SIRPG: variants seen among roughly 807,000 people sequenced by gnomAD.
SIRPG encodes the protein signal-regulatory protein gamma.
A neutral mutation model predicts 35.7 loss-of-function variants in SIRPG; 38 were observed. The observed-to-expected ratio is 1.06, with a 90% CI of 0.82 to 1.40. The LOEUF is 1.40. Ranked by LOEUF, SIRPG falls within the 40% of genes most tolerant of loss-of-function variation. SIRPG has a pLI of 0.00. For missense variants in SIRPG, 519 were observed against 483.0 expected, an observed-to-expected ratio of 1.07 and a Z score of -0.70; for synonymous variants, 215 against 190.4, an observed-to-expected ratio of 1.13 and a Z score of -1.06.
chr20:1,649,235 C>T lies in SIRPG; in HGVS notation c.247G>A (p.Gly83Ser). 6.2e-7 allele frequency: 1 copy of T among 1,614,086 alleles called. No homozygotes were observed. Among genetic ancestry groups the T allele is most frequent in the Non-Finnish European group, 8.5e-7 (1 of 1,180,030 alleles). Residue 83 changes from glycine to serine, a missense_variant, in exon 2 of 6, where the codon GGC becomes AGC. Transcript: ENST00000303415. Reference sequence around the variant, plus strand: ...ACTGTTGTTACCCTGGGGAAGTGGCCTTCTTTTTGATTGTAGATTAATTCC... The same window carrying T: ...ACTGTTGTTACCCTGGGGAAGTGGCTTTCTTTTTGATTGTAGATTAATTCC... ...GRELIYNQKE[G>S]HFPRVTTVSD...
the SIRPG span, among the ~76,000 whole-genome samples, chr20:1,685,373 A>G: frequency 1.3e-5 from 2 of 152,078 alleles, no homozygotes; most frequent in Non-Finnish European, 2.9e-5. Flanking sequence ...ACATGAGGTC[A>G]TTGGGGGGGT....
In SIRPG at chr20:1,649,125, A is replaced by G; in HGVS notation, c.357T>C (p.Cys119=). The change falls in exon 2 of 6, where the codon TGT becomes TGC. Residue 119 remains cysteine (C), a synonymous_variant. Transcript: ENST00000303415. ...CAGGGCTCCCTTTTCGAAACTTCAC[A>G]CAGTAGTATGTGCCGACATCTGCTG... The part of the protein sequence containing the change: ...ITPADVGTYY[C]VKFRKGSPEN... The G allele has an allele frequency of 6.2e-7, 1 of 1,613,854 alleles. No individual in the cohort carries two copies. Among genetic ancestry groups the G allele is most frequent in the Non-Finnish European group, 8.5e-7 (1 of 1,179,876 alleles).
At chr20:1,650,471 A>AG (rs1418494708) in intron 1 of SIRPG, among the ~76,000 whole-genome samples, 4 of 152,196 alleles carry the variant, frequency 2.6e-5, no homozygotes, top group Non-Finnish European at 4.4e-5. Context: ...AGTTCAGTAG[A>AG]GGGGTTCCCC....
chr20:1,681,272 T>A, the SIRPG span, among the ~76,000 whole-genome samples: 258 of 152,242 alleles, frequency 1.7e-3, 1 homozygote, highest in African/African-American at 5.9e-3. Flanking sequence ...AGAAATCTCA[T>A]GGAATAGAAT....
chr20:1,669,578 A>G, the SIRPG span, among the ~76,000 whole-genome samples: 1 of 152,236 alleles, frequency 6.6e-6, no homozygotes, highest in Non-Finnish European at 1.5e-5. Flanking sequence ...CAGAACAAAA[A>G]TGAGTCAGAG....
chr20:1,672,821 C>T, the SIRPG span, among the ~76,000 whole-genome samples: 2 of 152,102 alleles, frequency 1.3e-5, no homozygotes, highest in Non-Finnish European at 2.9e-5. Context: ...TTTTTGGAAT[C>T]TGGGTCTTCA....
At chr20:1,682,715 CA>C in the SIRPG span, among the ~76,000 whole-genome samples, 2 of 152,094 alleles carry the variant, frequency 1.3e-5, no homozygotes, top group Non-Finnish European at 2.9e-5. Context: ...AAAATCAACT[CA>C]AAATGGATTA....
At chr20:1,680,118 C>T in the SIRPG span, among the ~76,000 whole-genome samples, 2 of 152,190 alleles carry the variant, frequency 1.3e-5, no homozygotes, top group Admixed American at 6.5e-5. Context: ...TACACATCAT[C>T]GAAAACAATA....
At chr20:1,655,908 G>T (rs766388087) in intron 1 of SIRPG, among the ~76,000 whole-genome samples, 1 of 151,676 alleles carries the variant, frequency 6.6e-6, no homozygotes, top group Non-Finnish European at 1.5e-5. Context: ...ACATGCATAG[G>T]CACATGTGCA....
At chr20:1,661,708 G>A (rs551437298), upstream of SIRPG, among the ~76,000 whole-genome samples, 1 of 152,350 alleles carries the variant, frequency 6.6e-6, no homozygotes, top group East Asian at 1.9e-4. Context: ...AAAGGGCCAT[G>A]AGACTGGGAC....
chr20:1,637,549 T>C (rs2091813754), intron 2 of SIRPG: 2 of 154,162 alleles, frequency 1.3e-5, no homozygotes, highest in African/African-American at 2.4e-5. Context: ...GGTTCCCAAA[T>C]TGCAACTCTT....
chr20:1,686,230 C>T, the SIRPG span, among the ~76,000 whole-genome samples: 1 of 152,098 alleles, frequency 6.6e-6, no homozygotes, highest in Non-Finnish European at 1.5e-5. Flanking sequence ...CTTGACCTAC[C>T]TTGGGAGCAC....
chr20:1,681,214 T>C, the SIRPG span, among the ~76,000 whole-genome samples: 1 of 152,154 alleles, frequency 6.6e-6, no homozygotes, highest in South Asian at 2.1e-4. Context: ...CTACACATCC[T>C]CTTCCTCATA....
the SIRPG span, among the ~76,000 whole-genome samples, chr20:1,663,089 G>A: frequency 6.6e-6 from 1 of 152,060 alleles, no homozygotes; most frequent in African/African-American, 2.4e-5. Flanking sequence ...CAAAGCGGGC[G>A]GATCACGAGG....
At chr20:1,650,514 A>G (rs1290609759) in intron 1 of SIRPG, among the ~76,000 whole-genome samples, 1 of 152,202 alleles carries the variant, frequency 6.6e-6, no homozygotes, top group African/African-American at 2.4e-5. Context: ...AAAAATCATA[A>G]AGCTGCAAGA....
chr20:1,634,991 A>C (rs574083476), intron 4 of SIRPG, among the ~76,000 whole-genome samples: 25 of 151,882 alleles, frequency 1.6e-4, no homozygotes, highest in East Asian at 3.9e-4. Context: ...TGCGGTGAGC[A>C]GAGATCGCGC....
chr20:1,680,704 A>G, the SIRPG span, among the ~76,000 whole-genome samples: 4 of 141,036 alleles, frequency 2.8e-5, no homozygotes, highest in African/African-American at 9.9e-5. Flanking sequence ...AAAGGGAAAA[A>G]CACATGATTA....
chr20:1,633,324 A>T (rs1257808648), intron 4 of SIRPG, among the ~76,000 whole-genome samples: 2 of 152,248 alleles, frequency 1.3e-5, no homozygotes, highest in East Asian at 3.8e-4. Flanking sequence ...TTTAAATATG[A>T]ATTAAAACCA....
the SIRPG span, among the ~76,000 whole-genome samples, chr20:1,675,182 G>A: frequency 2.6e-5 from 4 of 152,260 alleles, no homozygotes; most frequent in Admixed American, 2.6e-4. Context: ...CACCCACTAC[G>A]AAATACCTCA....
Sources: allele counts gnomAD v4.1 joint callset (sites outside exome capture counted in the v4.1 genomes callset), GRCh38; gene constraint gnomAD v4.1.1; transcripts MANE v1.5; gene names NCBI Gene and HGNC (gene_info 2026-07-23, HGNC 2026-07-21).